The following PLCXD3 variants were observed in gnomAD, a reference collection of about 807,000 sequenced individuals.
PLCXD3 encodes the protein phosphatidylinositol specific phospholipase C X domain containing 3.
Under a neutral mutation model 25.5 loss-of-function variants are expected in PLCXD3, and 19 were observed. The observed-to-expected ratio is 0.75, with a 90% confidence interval of 0.52 to 1.09. The LOEUF is 1.09. Ranked by LOEUF, PLCXD3 falls within the 50% of genes least tolerant of loss-of-function variation. PLCXD3 has a pLI of 0.00. For missense variants in PLCXD3, 411 were observed against 388.1 expected, an observed-to-expected ratio of 1.06 and a Z score of -0.50; for synonymous variants, 174 against 137.6, an observed-to-expected ratio of 1.26 and a Z score of -1.85.
intron 1 of PLCXD3, among the ~76,000 whole-genome samples, chr5:41,481,212 T>C (rs375469016): frequency 6.6e-6 from 1 of 151,942 alleles, no homozygotes; most frequent in African/African-American, 2.4e-5. Flanking sequence ...GAATATTTAG[T>C]CTCTCCATTT....
chr5:41,493,951 C>T (rs759064621), intron 1 of PLCXD3, among the ~76,000 whole-genome samples: 46 of 152,302 alleles, frequency 3.0e-4, no homozygotes, highest in African/African-American at 9.4e-4. Flanking sequence ...CACTGTCCTG[C>T]GCCCACTGTC....
At chr5:41,491,771 G>C (rs1374095694) in intron 1 of PLCXD3, among the ~76,000 whole-genome samples, 2 of 151,400 alleles carry the variant, frequency 1.3e-5, no homozygotes, top group African/African-American at 4.9e-5. Context: ...GCCTTTTTTT[G>C]TTTTCCATTT....
chr5:41,439,802 C>T (rs1747337847), intron 1 of PLCXD3, among the ~76,000 whole-genome samples: 1 of 152,176 alleles, frequency 6.6e-6, no homozygotes, highest in Non-Finnish European at 1.5e-5. Flanking sequence ...TTCAATATCT[C>T]AAGATTCTGT....
At chr5:41,331,700 A>T (rs996881564) in intron 2 of PLCXD3, among the ~76,000 whole-genome samples, 1 of 152,198 alleles carries the variant, frequency 6.6e-6, no homozygotes, top group Non-Finnish European at 1.5e-5. Flanking sequence ...CTATACTACA[A>T]GGCTACAGTA....
chr5:41,387,884 AT>A (rs1375394917), intron 1 of PLCXD3, among the ~76,000 whole-genome samples: 1 of 152,092 alleles, frequency 6.6e-6, no homozygotes, highest in African/African-American at 2.4e-5. Context: ...TTTGGTAATG[AT>A]TTTTTAGGCA....
At chr5:41,457,207 C>T (rs990915080) in intron 1 of PLCXD3, among the ~76,000 whole-genome samples, 1 of 151,962 alleles carries the variant, frequency 6.6e-6, no homozygotes, top group Non-Finnish European at 1.5e-5. Flanking sequence ...CTGGTGTCCA[C>T]ACTTGGCCTC....
At chr5:41,478,726 A>G (rs1748332956) in intron 1 of PLCXD3, among the ~76,000 whole-genome samples, 1 of 152,196 alleles carries the variant, frequency 6.6e-6, no homozygotes, top group Non-Finnish European at 1.5e-5. Flanking sequence ...ACTGCTATGA[A>G]GAACTACTGG....
chr5:41,375,975 G>A (rs766837611), intron 2 of PLCXD3, among the ~76,000 whole-genome samples: 16 of 152,082 alleles, frequency 1.1e-4, no homozygotes, highest in Non-Finnish European at 1.9e-4. Flanking sequence ...TACCTAATTT[G>A]TAAGGATGCA....
intron 1 of PLCXD3, among the ~76,000 whole-genome samples, chr5:41,488,379 C>T (rs1309999347): frequency 7.6e-6 from 1 of 132,396 alleles, no homozygotes; most frequent in African/African-American, 3.1e-5. Context: ...AATAGTGCTG[C>T]AATAAACATA....
intron 1 of PLCXD3, among the ~76,000 whole-genome samples, chr5:41,507,132 C>T (rs760032160): frequency 2.0e-5 from 3 of 152,154 alleles, no homozygotes; most frequent in Non-Finnish European, 4.4e-5. Context: ...ACCATGATTA[C>T]AGAGTTAGAA....
intron 1 of PLCXD3, among the ~76,000 whole-genome samples, chr5:41,401,464 A>T (rs1220200284): frequency 2.6e-5 from 4 of 152,040 alleles, no homozygotes; most frequent in African/African-American, 7.2e-5. Flanking sequence ...CTTTTCTTCC[A>T]CTAAATTACC....
intron 2 of PLCXD3, among the ~76,000 whole-genome samples, chr5:41,349,558 C>T (rs1313172835): frequency 6.6e-6 from 1 of 152,220 alleles, no homozygotes; most frequent in Non-Finnish European, 1.5e-5. Context: ...CATCCCACTT[C>T]ATGCAGGATG....
chr5:41,410,851 G>A (rs1466016882), intron 1 of PLCXD3, among the ~76,000 whole-genome samples: 1 of 152,258 alleles, frequency 6.6e-6, no homozygotes, highest in African/African-American at 2.4e-5. Flanking sequence ...CTATTCCTCT[G>A]TAGCAGCTAA....
In PLCXD3 at chr5:41,307,600, GC is replaced by G. The variant is rs1561225879; in HGVS notation, c.*6016del. On this transcript the variant is annotated 3_prime_UTR_variant, in exon 3 of 3. Transcript: ENST00000377801. ...GGGTCAGATTCTATCCCCTACTTGCGCCTGCCTCCCCTGTCCCCCAACAATG... is the reference window on the plus strand; with the variant it reads ...GGGTCAGATTCTATCCCCTACTTGCGCTGCCTCCCCTGTCCCCCAACAATG... The G allele has an allele frequency of 1.3e-5, 2 of 152,170 alleles. No individual in the cohort carries two copies. The highest frequency in any genetic ancestry group is 6.6e-5 in the Admixed American group (1 of 15,234). The allele number at this position is 152,170 out of a possible 1,614,324, so 9.4% of individuals were successfully genotyped here.
intron 1 of PLCXD3, among the ~76,000 whole-genome samples, chr5:41,434,866 G>A (rs1408686643): frequency 1.3e-5 from 2 of 152,098 alleles, no homozygotes; most frequent in Non-Finnish European, 2.9e-5. Flanking sequence ...TACTGTGGAG[G>A]CACAAATTGT....
intron 1 of PLCXD3, among the ~76,000 whole-genome samples, chr5:41,409,507 A>G (rs539846424): frequency 8.1e-4 from 124 of 152,298 alleles, no homozygotes; most frequent in African/African-American, 2.9e-3. Context: ...TATCTAAAGT[A>G]TCTAACTCAT....
chr5:41,320,863 T>G (rs1202015088), intron 2 of PLCXD3, among the ~76,000 whole-genome samples: 2 of 152,182 alleles, frequency 1.3e-5, no homozygotes, highest in African/African-American at 4.8e-5. Context: ...TCATCTCAAT[T>G]GATGCTGAAA....
intron 2 of PLCXD3, among the ~76,000 whole-genome samples, chr5:41,366,425 G>A (rs771015892): frequency 6.6e-6 from 1 of 152,196 alleles, no homozygotes; most frequent in South Asian, 2.1e-4. Context: ...GGGTATCTGA[G>A]CACTTTCAGG....
At chr5:41,403,413 T>TG (rs1746259618) in intron 1 of PLCXD3, among the ~76,000 whole-genome samples, 2 of 32,174 alleles carry the variant, frequency 6.2e-5, no homozygotes, top group Admixed American at 2.6e-4. Flanking sequence ...TTTTTTTTTT[T>TG]TTTATTATAC....
Sources: allele counts gnomAD v4.1 joint callset (sites outside exome capture counted in the v4.1 genomes callset), GRCh38; gene constraint gnomAD v4.1.1; transcripts MANE v1.5; gene names NCBI Gene and HGNC (gene_info 2026-07-23, HGNC 2026-07-21).